The following UACA variants were observed in gnomAD, a reference collection of about 807,000 sequenced individuals.
The protein encoded by UACA is uveal autoantigen with coiled-coil domains and ankyrin repeats, also known as nuclear membrane binding protein.
UACA carries 112 observed loss-of-function variants against 160.5 expected under a neutral mutation model. The observed-to-expected ratio is 0.70, with a 90% CI of 0.60 to 0.82. The LOEUF is 0.82. Ranked by LOEUF, UACA falls within the 40% of genes least tolerant of loss-of-function variation. The pLI is 0.00. For synonymous variants in UACA, 557 were observed against 568.4 expected, an observed-to-expected ratio of 0.98 and a Z score of 0.29; for missense variants, 1,574 against 1,614.6, an observed-to-expected ratio of 0.97 and a Z score of 0.43.
chr15:70,763,674 A>G (rs1037235469), upstream of UACA: 1 of 456,416 alleles, frequency 2.2e-6, no homozygotes. Flanking sequence ...TTTTAAACTG[A>G]GTAACACCCT....
chr15:70,661,521 T>TA (rs1444816894), intron 17 of UACA: 6 of 152,088 alleles, frequency 3.9e-5, no homozygotes, highest in Admixed American at 6.6e-5. Flanking sequence ...CCTACAGTGT[T>TA]AAAAAATAAA....
At position 70,701,883 on chromosome 15, in the gene UACA, C is replaced by G. The variant is rs149177978; in HGVS notation, c.79-2223G>C. ...AGACTACTGGGATACCTACTCTGTT[C>G]TTAGGAGTACAAGAAAACCAACAGT... is the stretch of plus-strand genomic sequence containing the variant. On this transcript the variant is annotated intron_variant, in intron 1 of 18. Transcript: ENST00000322954. 4.0e-5 allele frequency: 65 copies of G among 1,613,022 alleles called. No individual in the cohort carries two copies. In the African/African-American group the frequency reaches 6.9e-4, roughly 17 times the overall value.
chr15:70,685,934 C>T (rs1422463760), intron 7 of UACA, among the ~76,000 whole-genome samples: 1 of 152,074 alleles, frequency 6.6e-6, no homozygotes, highest in Non-Finnish European at 1.5e-5. Flanking sequence ...ACCACCACAC[C>T]TAGCTAATTT....
At chr15:70,749,650 G>T (rs2029910956) in intron 1 of UACA, among the ~76,000 whole-genome samples, 1 of 133,080 alleles carries the variant, frequency 7.5e-6, no homozygotes, top group African/African-American at 2.9e-5. Context: ...AGTGAGCAGA[G>T]ATCGCACCAC....
intron 1 of UACA, among the ~76,000 whole-genome samples, chr15:70,705,106 A>G (rs951332278): frequency 6.6e-6 from 1 of 152,198 alleles, no homozygotes; most frequent in Non-Finnish European, 1.5e-5. Flanking sequence ...TAGGTTTTCA[A>G]TCTTGCCTAT....
rs950212820 is a variant in UACA at position 70,761,611 on chromosome 15, G to A, written c.78+1719C>T. ...CATTCTAAGTTTTATTCCTCATTAC[G>A]CTTTTATTTTTAAATTGTACAGAAC... On this transcript the variant is annotated intron_variant, in intron 1 of 18. Transcript: ENST00000322954. Among the ~76,000 whole-genome samples, 4 of 151,792 alleles carry A rather than the reference G, an allele frequency of 2.6e-5. No individual in the cohort carries two copies. The East Asian group carries it at 5.8e-4, about 22-fold the overall frequency.
chr15:70,671,849 T>C (rs905718195), intron 14 of UACA, 116 bp downstream of exon 14: 1 of 749,038 alleles, frequency 1.3e-6, no homozygotes, highest in Non-Finnish European at 2.0e-6. Context: ...CTGATGAAGT[T>C]TAGCAGCAGG....
rs1456042311 is a variant in UACA, at chr15:70,656,556, T to C, written c.*500A>G. 1.3e-5 allele frequency: 2 copies of C among 152,218 alleles called. No individual in the cohort carries two copies. Among genetic ancestry groups the C allele is most frequent in the Non-Finnish European group, 2.9e-5 (2 of 68,076 alleles). The allele number at this position is 152,218 out of a possible 1,614,324, so 9.4% of individuals were successfully genotyped here. A position where few individuals can be genotyped will look rare whatever the true frequency, so the allele number is the denominator to read the frequency against. ...CTACAAAAAAGGCCAAAGACACTAA[T>C]GAAGTTACCTCAGTAAAGATACTGT... On this transcript the variant is annotated 3_prime_UTR_variant, in exon 19 of 19. Transcript: ENST00000322954.
intron 1 of UACA, 106 bp from the exon 2 acceptor site, chr15:70,699,766 C>T (rs568075174): frequency 5.6e-6 from 7 of 1,251,726 alleles, no homozygotes; most frequent in South Asian, 4.9e-5. Context: ...TAATACATCA[C>T]TTATTTTCCA....
intron 1 of UACA, among the ~76,000 whole-genome samples, chr15:70,746,842 A>G (rs28411295): frequency 0.04 from 6,127 of 152,254 alleles, 426 homozygotes; most frequent in African/African-American, 0.14. Flanking sequence ...AGGGACATGG[A>G]TGAAGCTAGA....
chr15:70,774,127 A>G, the UACA span, among the ~76,000 whole-genome samples: 1 of 152,218 alleles, frequency 6.6e-6, no homozygotes, highest in Non-Finnish European at 1.5e-5. Flanking sequence ...TGTGCCAAGC[A>G]CTGTGCTAAG....
At chr15:70,760,217 A>AT (rs1413000371) in intron 1 of UACA, among the ~76,000 whole-genome samples, 3 of 152,178 alleles carry the variant, frequency 2.0e-5, no homozygotes, top group Non-Finnish European at 4.4e-5. Context: ...TATGTATCAA[A>AT]GACTTAAATG....
At chr15:70,713,059 G>C (rs1384860252) in intron 1 of UACA, among the ~76,000 whole-genome samples, 1 of 152,162 alleles carries the variant, frequency 6.6e-6, no homozygotes, top group Non-Finnish European at 1.5e-5. Flanking sequence ...GAATAGGGAA[G>C]GAGAGCCGGG....
chr15:70,712,993 G>A lies in UACA; in HGVS notation c.79-13333C>T, dbSNP rs149098614. Reference sequence around the variant, plus strand: ...CCAAGTCTCTCTTCCCATGGAACTTGATGTTCTAATGAAGAAAGATAAGTA... The same window carrying A: ...CCAAGTCTCTCTTCCCATGGAACTTAATGTTCTAATGAAGAAAGATAAGTA... On this transcript the variant is annotated intron_variant, in intron 1 of 18. Transcript: ENST00000322954. Among the ~76,000 whole-genome samples the A allele has an allele frequency of 2.3e-3, 352 of 152,284 alleles. 1 individual carries two copies. Among genetic ancestry groups the A allele is most frequent in the African/African-American group, 8.2e-3 (342 of 41,562 alleles).
chr15:70,723,576 T>A (rs1052297467), intron 1 of UACA, among the ~76,000 whole-genome samples: 1 of 152,064 alleles, frequency 6.6e-6, no homozygotes, highest in Non-Finnish European at 1.5e-5. Context: ...GGTACAGTGC[T>A]ACTCCCTTTG....
intron 9 of UACA, among the ~76,000 whole-genome samples, chr15:70,682,415 G>A (rs1349495078): frequency 6.6e-6 from 1 of 152,098 alleles, no homozygotes; most frequent in East Asian, 1.9e-4. Context: ...AGGGAGACTG[G>A]GGGAAACTGT....
chr15:70,691,694 G>C lies in UACA; in HGVS notation c.302-331C>G, dbSNP rs551060912. The stretch of plus-strand genomic sequence containing the variant: ...ATACTGGCACAGAGAAAAGGGAAAG[G>C]AGAGAAAGACAATGAGGAAAGAAGA... On this transcript the variant is annotated intron_variant, in intron 3 of 18. Coordinates refer to ENST00000322954, the MANE Select transcript of UACA (RefSeq NM_018003.4). 6.4e-4 allele frequency among the ~76,000 whole-genome samples: 97 copies of C among 152,260 alleles called. 1 individual carries two copies. Among genetic ancestry groups the C allele is most frequent in the African/African-American group, 2.3e-3 (97 of 41,556 alleles).
intron 14 of UACA, chr15:70,671,427 CAAA>C (rs1055316472): frequency 8.1e-5 from 14 of 172,030 alleles, no homozygotes; most frequent in Non-Finnish European, 1.5e-4. Flanking sequence ...TCAATCAAAA[CAAA>C]AATGATGATT....
At position 70,699,679 on chromosome 15, in the gene UACA, A is replaced by G. The variant is rs537517616; in HGVS notation, c.79-19T>C. 8 of 1,609,058 alleles carry G rather than the reference A, an allele frequency of 5.0e-6. 1 individual carries two copies. The South Asian group carries it at 6.7e-5, about 13-fold the overall frequency. ...CTGCATGCTACAAAAAGGAAAAAAA[A>G]AAGTAAATATGGCATACTACATTAG... On this transcript the variant is annotated intron_variant, in intron 1 of 18. Transcript: ENST00000322954.
Sources: gnomAD v4.1 joint callset for allele counts (sites outside exome capture counted in the v4.1 genomes callset) on GRCh38, gnomAD v4.1.1 for gene constraint, MANE v1.5 for transcripts, NCBI Gene and HGNC (gene_info 2026-07-23, HGNC 2026-07-21) for gene names.